The following ABITRAM variants were observed in gnomAD, a reference collection of about 807,000 sequenced individuals.
ABITRAM encodes protein Abitram.
A neutral mutation model predicts 22.9 loss-of-function variants in ABITRAM; 19 were observed. The ratio of observed to expected loss-of-function variants is 0.83; its 90% CI spans 0.58 to 1.22. The LOEUF (loss-of-function observed/expected upper bound fraction) is 1.22. Among genes scored for constraint, ABITRAM ranks in the 50% most tolerant of loss-of-function variants. The probability of loss-of-function intolerance (pLI) is 0.00; values close to 1 mark genes in which losing one functional copy is unlikely to be tolerated. For synonymous variants in ABITRAM, 70 were observed against 73.9 expected, an observed-to-expected ratio of 0.95 and a Z score of 0.27; for missense variants, 215 against 220.2, an observed-to-expected ratio of 0.98 and a Z score of 0.15.
intron 3 of ABITRAM, among the ~76,000 whole-genome samples, chr9:108,936,844 T>A (rs1830194684): frequency 6.6e-6 from 1 of 151,626 alleles, no homozygotes; most frequent in Non-Finnish European, 1.5e-5. Context: ...AGAAAAAAAA[T>A]TCCCAAGGGA....
intron 3 of ABITRAM, among the ~76,000 whole-genome samples, chr9:108,938,206 C>T (rs910747418): frequency 5.3e-5 from 8 of 152,166 alleles, no homozygotes; most frequent in African/African-American, 1.2e-4. Flanking sequence ...CAAGCCTTCC[C>T]CTTCCTTCCA....
In ABITRAM at chr9:108,934,617, T is replaced by C. The variant is rs556366048; in HGVS notation, c.79+52T>C. 46 of 1,512,430 alleles carry C rather than the reference T, an allele frequency of 3.0e-5. No homozygotes were observed. The East Asian group carries it at 1.1e-3, about 37-fold the overall frequency. 93.7% of individuals were successfully genotyped at this position (1,512,430 alleles called of 1,614,324 possible). On this transcript the variant is annotated intron_variant, in intron 1 of 5. Transcript: ENST00000322940. Reference sequence around the variant, plus strand: ...CCTTGGCCGCACTGGCCTAATGCTGTGTAGACTATGTTGACAGATCATAAG... The same window carrying C: ...CCTTGGCCGCACTGGCCTAATGCTGCGTAGACTATGTTGACAGATCATAAG...
downstream of ABITRAM, chr9:108,943,867 T>A: frequency 6.2e-7 from 1 of 1,603,672 alleles, no homozygotes; most frequent in Non-Finnish European, 8.5e-7. Context: ...ACTCCATCTT[T>A]AATACCTTAA....
downstream of ABITRAM, among the ~76,000 whole-genome samples, chr9:108,941,471 T>C (rs1387225539): frequency 6.6e-6 from 1 of 152,224 alleles, no homozygotes. Flanking sequence ...AGTACTTTGG[T>C]TTCAGAGAAT....
chr9:108,948,137 C>T (rs952359449), intron 3 of ABITRAM: 9 of 1,595,788 alleles, frequency 5.6e-6, no homozygotes, highest in African/African-American at 1.3e-5. Context: ...TTATTACCCA[C>T]TTTTAGCCCG....
rs774325343 is a variant in ABITRAM, at chr9:108,940,276, C to G, written c.*590C>G. On this transcript the variant is annotated 3_prime_UTR_variant, in exon 6 of 6. Transcript: ENST00000322940. ...ATATGTGGAAGTTCCTGGAACCAAT[C>G]CCCTATGTAAACCAAGGGATAACTA... 6.6e-6 allele frequency: 1 copy of G among 152,230 alleles called. No homozygotes were observed. Among genetic ancestry groups the G allele is most frequent in the South Asian group, 2.1e-4 (1 of 4,832 alleles). The allele number at this position is 152,230 out of a possible 1,614,324, so 9.4% of individuals were successfully genotyped here. A position where few individuals can be genotyped will look rare whatever the true frequency, so the allele number is the denominator to read the frequency against.
chr9:108,939,779 A>G lies in ABITRAM; in HGVS notation c.*93A>G. 6.9e-7 allele frequency: 1 copy of G among 1,453,124 alleles called. No homozygotes were observed. Among genetic ancestry groups the G allele is most frequent in the Admixed American group, 2.1e-5 (1 of 47,796 alleles). 90.0% of individuals were successfully genotyped at this position (1,453,124 alleles called of 1,614,324 possible). On this transcript the variant is annotated 3_prime_UTR_variant, in exon 6 of 6. Coordinates refer to ENST00000322940, the MANE Select transcript of ABITRAM (RefSeq NM_017832.4). ...GGAGAAGAACCAGTATATGTAAAGC[A>G]TACCTAACAGCCAGCCATATGCAGG... is the stretch of plus-strand genomic sequence containing the variant.
downstream of ABITRAM, chr9:108,943,584 A>G: frequency 1.4e-6 from 1 of 733,736 alleles, no homozygotes; most frequent in Non-Finnish European, 2.2e-6. Flanking sequence ...TCTTGTAGAC[A>G]AGGCATGAAA....
downstream of ABITRAM, chr9:108,943,075 T>TCTAAAAGTAGTA: frequency 6.4e-7 from 1 of 1,566,668 alleles, no homozygotes; most frequent in Non-Finnish European, 8.7e-7. Flanking sequence ...CAAATGATAT[T>TCTAAAAGTAGTA]CTAAAAGTAG....
At position 108,940,530 on chromosome 9, in the gene ABITRAM, T is replaced by G. The variant is rs1257431128; in HGVS notation, c.*844T>G. On this transcript the variant is annotated 3_prime_UTR_variant, in exon 6 of 6. Transcript: ENST00000322940. Reference sequence around the variant, plus strand: ...TATATTATATCTTCTGTCCCCCTTATGCCAACAAGATGGCCTTCCCCTCTG... The same window carrying G: ...TATATTATATCTTCTGTCCCCCTTAGGCCAACAAGATGGCCTTCCCCTCTG... The G allele has an allele frequency of 6.6e-6, 1 of 152,198 alleles. No homozygotes were observed. The highest frequency in any genetic ancestry group is 1.5e-5 in the Non-Finnish European group (1 of 68,050). 9.4% of individuals were successfully genotyped at this position (152,198 alleles called of 1,614,324 possible). A position where few individuals can be genotyped will look rare whatever the true frequency, so the allele number is the denominator to read the frequency against.
In ABITRAM at chr9:108,939,191, C is replaced by T. The variant is rs1343745312; in HGVS notation, c.262-5C>T. On this transcript the variant is annotated splice_polypyrimidine_tract_variant and splice_region_variant and intron_variant, in intron 3 of 5. Coordinates refer to ENST00000322940, the MANE Select transcript of ABITRAM (RefSeq NM_017832.4). ...ACTGATTACTTCTTCCGTCTCATTA[C>T]ACAGGGGGCACAGTTTCTAACAGAG... is the stretch of plus-strand genomic sequence containing the variant. 14 of 1,612,626 alleles carry T rather than the reference C, an allele frequency of 8.7e-6. No individual in the cohort carries two copies. Among genetic ancestry groups the T allele is most frequent in the Non-Finnish European group, 1.1e-5 (13 of 1,179,410 alleles).
chr9:108,940,835 TAA>T lies in ABITRAM; in HGVS notation c.*1150_*1151del, dbSNP rs1304950532. ...CTCCAACAACTGTGAATTTATAGTT[TAA>T]GAGTGATTTACACTGAATTTCAAAT... On this transcript the variant is annotated 3_prime_UTR_variant, in exon 6 of 6. Coordinates refer to ENST00000322940, the MANE Select transcript of ABITRAM (RefSeq NM_017832.4). 6.6e-6 allele frequency: 1 copy of T among 152,160 alleles called. No homozygotes were observed. The highest frequency in any genetic ancestry group is 2.4e-5 in the African/African-American group (1 of 41,454). 9.4% of individuals were successfully genotyped at this position (152,160 alleles called of 1,614,324 possible). A position where few individuals can be genotyped will look rare whatever the true frequency, so the allele number is the denominator to read the frequency against.
In ABITRAM at chr9:108,934,448, G is replaced by C. The variant is rs1291269904; in HGVS notation, c.-39G>C. 1 of 1,561,098 alleles carries C rather than the reference G, an allele frequency of 6.4e-7. No individual in the cohort carries two copies. Among genetic ancestry groups the C allele is most frequent in the Non-Finnish European group, 8.7e-7 (1 of 1,153,444 alleles). On this transcript the variant is annotated 5_prime_UTR_variant, in exon 1 of 6. Coordinates refer to ENST00000322940, the MANE Select transcript of ABITRAM (RefSeq NM_017832.4). ...TCCGGGCTGCGCGGAGGAAGCGCTG[G>C]GGTCCCGGAGGGCGGGGGTGGCGGC...
intron 3 of ABITRAM, among the ~76,000 whole-genome samples, chr9:108,946,000 C>CTTAA (rs1223273886): frequency 6.6e-6 from 1 of 152,072 alleles, no homozygotes; most frequent in African/African-American, 2.4e-5. Context: ...AAAAACCTTA[C>CTTAA]TTAAAACATA....
At chr9:108,942,204 G>C (rs984745586), downstream of ABITRAM, among the ~76,000 whole-genome samples, 7 of 152,160 alleles carry the variant, frequency 4.6e-5, no homozygotes, top group African/African-American at 1.7e-4. Flanking sequence ...GTAGGTGAGG[G>C]ACATACACAG....
chr9:108,934,790 G>A (rs1158924690), intron 1 of ABITRAM, among the ~76,000 whole-genome samples: 1 of 152,182 alleles, frequency 6.6e-6, no homozygotes, highest in Non-Finnish European at 1.5e-5. Flanking sequence ...TGCAGTGCGA[G>A]CTCTAGGGTG....
intron 3 of ABITRAM, among the ~76,000 whole-genome samples, chr9:108,948,979 C>T (rs1830480773): frequency 6.6e-6 from 1 of 151,594 alleles, no homozygotes; most frequent in African/African-American, 2.4e-5. Flanking sequence ...AAGCAAAAAC[C>T]ACATTAAAAA....
At chr9:108,949,081 C>T (rs908532378) in intron 3 of ABITRAM, among the ~76,000 whole-genome samples, 4 of 152,122 alleles carry the variant, frequency 2.6e-5, no homozygotes, top group Non-Finnish European at 2.9e-5. Flanking sequence ...TGAATGATTA[C>T]ATGTAAATCA....
At chr9:108,946,118 G>C (rs1369688837) in intron 3 of ABITRAM, among the ~76,000 whole-genome samples, 2 of 152,008 alleles carry the variant, frequency 1.3e-5, no homozygotes, top group Non-Finnish European at 2.9e-5. Context: ...GGCCAACATG[G>C]TGAAACCCTG....
Sources: gnomAD v4.1 joint callset for allele counts (sites outside exome capture counted in the v4.1 genomes callset) on GRCh38, gnomAD v4.1.1 for gene constraint, MANE v1.5 for transcripts, NCBI Gene and HGNC (gene_info 2026-07-23, HGNC 2026-07-21) for gene names.